The following ABCA12 variants were observed in gnomAD, a reference collection of about 807,000 sequenced individuals.
ABCA12 encodes the protein glucosylceramide transporter ABCA12.
Under a neutral mutation model 293.5 loss-of-function variants are expected in ABCA12, and 156 were observed. The ratio of observed to expected loss-of-function variants is 0.53; its 90% CI spans 0.47 to 0.61. The LOEUF is 0.61. ABCA12 is among the 20% of genes least tolerant of loss of function. ABCA12 has a pLI of 0.00. For synonymous variants in ABCA12, 1,063 were observed against 1,108.0 expected, an observed-to-expected ratio of 0.96 and a Z score of 0.81; for missense variants, 2,797 against 3,090.2, an observed-to-expected ratio of 0.91 and a Z score of 2.25.
chr2:215,029,362 G>C (rs1161771683), intron 9 of ABCA12: 1 of 152,100 alleles, frequency 6.6e-6, no homozygotes, highest in Non-Finnish European at 1.5e-5. Context: ...GCACACGTCG[G>C]GTCGTTCTCC....
At position 214,975,831 on chromosome 2, in the gene ABCA12, T is replaced by C. The variant is rs1699502834; in HGVS notation, c.5335A>G (p.Ile1779Val). ...GAGGTACCATAAAGAGAGGGGGAGA[T>C]CTGAATCTCTGGATAACTGTTGCTG... ...NSSNSYPEIQ[I>V]SPSLYGTSEQ... Residue 1779 changes from isoleucine (I) to valine (V), a missense_variant, in exon 34 of 53, where the codon ATC becomes GTC. Ile to Val is a conservative substitution (Grantham distance 29). Coordinates refer to ENST00000272895, the MANE Select transcript of ABCA12 (RefSeq NM_173076.3). 1 of 1,613,960 alleles carries C rather than the reference T, an allele frequency of 6.2e-7. No homozygotes were observed. The highest frequency in any genetic ancestry group is 8.5e-7 in the Non-Finnish European group (1 of 1,179,926).
intron 44 of ABCA12, among the ~76,000 whole-genome samples, chr2:214,952,787 A>T (rs1290136947): frequency 6.6e-6 from 1 of 152,174 alleles, no homozygotes; most frequent in African/African-American, 2.4e-5. Flanking sequence ...TCTCCCAACC[A>T]CATGTTAAAC....
intron 27 of ABCA12, 62 bp downstream of exon 27, chr2:214,987,585 A>C: frequency 1.3e-6 from 2 of 1,562,938 alleles, no homozygotes; most frequent in Non-Finnish European, 1.7e-6. Flanking sequence ...TGAAACTACT[A>C]GTCATGTAAT....
rs202059558 is a variant in ABCA12, at chr2:215,011,495, G to C, written c.2276C>G (p.Thr759Ser). 1 of 1,613,984 alleles carries C rather than the reference G, an allele frequency of 6.2e-7. No individual in the cohort carries two copies. Among genetic ancestry groups the C allele is most frequent in the Non-Finnish European group, 8.5e-7 (1 of 1,179,890 alleles). The change falls in exon 17 of 53, where the codon ACT (threonine) becomes AGT (serine). Residue 759 changes from threonine to serine, a missense_variant. Thr to Ser is a moderately conservative substitution (Grantham distance 58). Transcript: ENST00000272895. ...AATTTGCTCTTTAGTTAATTTATAA[G>C]TCAAAAAATCCTTGGTGTGGTTGCC... ...PKGNHTKDFL[T>S]YKLTKEQIAS...
intron 1 of ABCA12, among the ~76,000 whole-genome samples, chr2:215,116,973 A>C (rs1479164246): frequency 2.0e-5 from 3 of 152,210 alleles, no homozygotes; most frequent in Admixed American, 2.0e-4. Flanking sequence ...TCCTTTTGCT[A>C]TATAAAGGCC....
chr2:214,984,175 C>G (rs2105968990), intron 28 of ABCA12, among the ~76,000 whole-genome samples: 2 of 135,586 alleles, frequency 1.5e-5, no homozygotes, highest in South Asian at 5.2e-4. Context: ...CAGCTCACTG[C>G]AACCTCTGCC....
chr2:214,976,024 T>A lies in ABCA12; in HGVS notation c.5142A>T (p.Thr1714=). The A allele has an allele frequency of 6.2e-7, 1 of 1,614,032 alleles. No homozygotes were observed. Among genetic ancestry groups the A allele is most frequent in the Non-Finnish European group, 8.5e-7 (1 of 1,179,964 alleles). ...CAAAGCCATCCAGCCTCTCTCCTCT[T>A]GTCAGGATTTTGTCTGATTAAGAAA... ...NFTDRDDKIL[T]RGERLDGFGL... The change falls in exon 34 of 53, where the codon ACA becomes ACT. Residue 1714 remains threonine (T), a synonymous_variant. Coordinates refer to ENST00000272895, the MANE Select transcript of ABCA12 (RefSeq NM_173076.3).
intron 52 of ABCA12, among the ~76,000 whole-genome samples, chr2:214,933,686 A>C (rs766727225): frequency 6.6e-6 from 1 of 152,208 alleles, no homozygotes; most frequent in Non-Finnish European, 1.5e-5. Flanking sequence ...AAGGTCTGAC[A>C]CCAAATTCTA....
intron 8 of ABCA12, among the ~76,000 whole-genome samples, chr2:215,033,654 T>C (rs1204907985): frequency 1.3e-5 from 2 of 152,160 alleles, no homozygotes; most frequent in Non-Finnish European, 2.9e-5. Context: ...TAAAATTGTA[T>C]TCACAGGCCG....
chr2:214,961,769 G>A (rs1283754616), intron 39 of ABCA12: 1 of 152,076 alleles, frequency 6.6e-6, no homozygotes, highest in Non-Finnish European at 1.5e-5. Context: ...TAGATCTAAT[G>A]ACTATCAATC....
chr2:215,041,520 C>A (rs1701100611), intron 7 of ABCA12, among the ~76,000 whole-genome samples: 1 of 149,536 alleles, frequency 6.7e-6, no homozygotes, highest in Non-Finnish European at 1.5e-5. Flanking sequence ...CCACTGCACT[C>A]CAGCCTGGGC....
chr2:214,942,280 ATCCTTTTT>A (rs2105916727), intron 50 of ABCA12, among the ~76,000 whole-genome samples: 1 of 152,314 alleles, frequency 6.6e-6, no homozygotes, highest in East Asian at 1.9e-4. Context: ...TGCCTCTTTC[ATCCTTTTT>A]TCCTTATCTT....
chr2:215,086,912 C>G (rs1181257389), intron 2 of ABCA12, among the ~76,000 whole-genome samples: 1 of 141,984 alleles, frequency 7.0e-6, no homozygotes, highest in Non-Finnish European at 1.5e-5. Flanking sequence ...CTTTCTCTAA[C>G]TACCAGTTTA....
chr2:215,011,679 C>A (rs776414312), intron 16 of ABCA12, 30 bp from the exon 17 acceptor site: 4 of 1,600,236 alleles, frequency 2.5e-6, no homozygotes, highest in Middle Eastern at 1.6e-4. Context: ...AATTTATTGA[C>A]ACTATATGAG....
At chr2:215,107,967 C>T (rs1702496317) in intron 2 of ABCA12, among the ~76,000 whole-genome samples, 1 of 152,128 alleles carries the variant, frequency 6.6e-6, no homozygotes, top group Non-Finnish European at 1.5e-5. Context: ...GCTGACTTTT[C>T]CCGTGGTATG....
intron 1 of ABCA12, among the ~76,000 whole-genome samples, chr2:215,122,662 CG>C (rs1702832772): frequency 1.3e-5 from 2 of 152,160 alleles, no homozygotes; most frequent in Admixed American, 6.5e-5. Context: ...GATCCAGTAG[CG>C]AAACAGTTAC....
chr2:215,100,120 T>A (rs1312592375), intron 2 of ABCA12, among the ~76,000 whole-genome samples: 1 of 151,992 alleles, frequency 6.6e-6, no homozygotes, highest in Admixed American at 6.6e-5. Context: ...GCTCAAGTGA[T>A]CTTCCCACCT....
intron 28 of ABCA12, among the ~76,000 whole-genome samples, chr2:214,984,094 CTTTTTTTT>C (rs397987755): frequency 1.1e-5 from 1 of 92,952 alleles, no homozygotes; most frequent in Non-Finnish European, 1.9e-5. Flanking sequence ...ACGATCAGGC[CTTTTTTTT>C]TTTTTTTTTT....
intron 2 of ABCA12, among the ~76,000 whole-genome samples, chr2:215,093,119 CA>C (rs1158898349): frequency 1.3e-5 from 2 of 152,182 alleles, no homozygotes; most frequent in Non-Finnish European, 2.9e-5. Flanking sequence ...CATCTATTCT[CA>C]AAGGGATATC....
Sources: allele counts gnomAD v4.1 joint callset (sites outside exome capture counted in the v4.1 genomes callset), GRCh38; gene constraint gnomAD v4.1.1; transcripts MANE v1.5; gene names NCBI Gene and HGNC (gene_info 2026-07-23, HGNC 2026-07-21).